The following CRYBG1 variants were observed in gnomAD, a reference collection of about 807,000 sequenced individuals.
The protein encoded by CRYBG1 is beta/gamma crystallin domain-containing protein 1.
CRYBG1 carries 139 observed loss-of-function variants against 189.2 expected under a neutral mutation model. The observed-to-expected ratio is 0.73, with a 90% CI of 0.64 to 0.85. The LOEUF (loss-of-function observed/expected upper bound fraction) is 0.85. Among genes scored for constraint, CRYBG1 ranks in the 40% least tolerant of loss-of-function variants. The pLI, the probability that CRYBG1 is intolerant of heterozygous loss-of-function variation, is 0.00. For synonymous variants in CRYBG1, 1,023 were observed against 1,017.1 expected, an observed-to-expected ratio of 1.01 and a Z score of -0.11; for missense variants, 2,611 against 2,675.8, an observed-to-expected ratio of 0.98 and a Z score of 0.53.
chr6:106,479,202 T>A (rs1211296971), intron 2 of CRYBG1, among the ~76,000 whole-genome samples: 3 of 152,244 alleles, frequency 2.0e-5, no homozygotes, highest in African/African-American at 7.2e-5. Context: ...GGACATATAT[T>A]TTCAATTCTC....
chr6:106,437,152 C>A (rs1048112728), intron 1 of CRYBG1, among the ~76,000 whole-genome samples: 4 of 152,144 alleles, frequency 2.6e-5, no homozygotes, highest in African/African-American at 9.7e-5. Flanking sequence ...CCTATTGTTA[C>A]TTTAATTTGC....
chr6:106,388,270 T>A (rs779196409), intron 1 of CRYBG1, among the ~76,000 whole-genome samples: 1 of 152,162 alleles, frequency 6.6e-6, no homozygotes, highest in Non-Finnish European at 1.5e-5. Flanking sequence ...GCCATGTTCA[T>A]CTTGGCACCT....
At chr6:106,475,531 T>TA in intron 2 of CRYBG1, among the ~76,000 whole-genome samples, 1 of 152,264 alleles carries the variant, frequency 6.6e-6, no homozygotes. Context: ...TGGGCAAAGA[T>TA]AAAGAGACAG....
At chr6:106,379,619 TA>T (rs1289291924) in intron 1 of CRYBG1, among the ~76,000 whole-genome samples, 1 of 151,496 alleles carries the variant, frequency 6.6e-6, no homozygotes, top group African/African-American at 2.4e-5. Context: ...AAGTGCAGTA[TA>T]CGATCACAGC....
At chr6:106,450,388 C>T (rs920888749) in intron 1 of CRYBG1, among the ~76,000 whole-genome samples, 2 of 152,262 alleles carry the variant, frequency 1.3e-5, no homozygotes, top group Admixed American at 6.5e-5. Context: ...CAAAAGCTTC[C>T]GTTTCTGTTG....
rs543522287 is a variant in CRYBG1, at chr6:106,519,194, A to G, written c.1986A>G (p.Gly662=). ...CCCCTAAGAATCTTGACAGTTTGGG[A>G]AATGAGCACAATCCATTTAGCCAGC... ...LKTPKNLDSL[G]NEHNPFSQPV... is the part of the protein sequence containing the mutation. Residue 662 remains glycine (G), a synonymous_variant, in exon 4 of 22, where the codon GGA becomes GGG. Coordinates refer to ENST00000633556, the MANE Select transcript of CRYBG1 (RefSeq NM_001371242.2). The G allele has an allele frequency of 6.2e-7, 1 of 1,614,144 alleles. No individual in the cohort carries two copies. The highest frequency in any genetic ancestry group is 1.1e-5 in the South Asian group (1 of 91,070).
intron 2 of CRYBG1, among the ~76,000 whole-genome samples, chr6:106,457,709 C>A (rs1771917317): frequency 6.6e-6 from 1 of 152,172 alleles, no homozygotes; most frequent in Admixed American, 6.5e-5. Flanking sequence ...ATCTTGCCAT[C>A]ATTTCACACC....
At chr6:106,416,107 G>A (rs1195804866) in intron 1 of CRYBG1, among the ~76,000 whole-genome samples, 2 of 151,944 alleles carry the variant, frequency 1.3e-5, no homozygotes, top group African/African-American at 2.4e-5. Flanking sequence ...CCCTTTCTTG[G>A]CCCCACAGCT....
Position 106,520,329 on chromosome 6 carries a change from C to G in CRYBG1, c.3121C>G (p.Gln1041Glu). The change falls in exon 4 of 22, where the codon CAG becomes GAG. Residue 1041 changes from glutamine (Q) to glutamate (E), a missense_variant. Transcript: ENST00000633556. The part of the protein sequence containing the change: ...PPASEKTLPI[Q>E]AQSQGSRTPL... ...AGCATCAGAGAAAACTCTGCCTATTCAGGCTCAAAGTCAGGGCAGCAGAAC... is the reference window on the plus strand; with the variant it reads ...AGCATCAGAGAAAACTCTGCCTATTGAGGCTCAAAGTCAGGGCAGCAGAAC... 1.2e-6 allele frequency: 2 copies of G among 1,614,156 alleles called. No individual in the cohort carries two copies. The highest frequency in any genetic ancestry group is 1.7e-6 in the Non-Finnish European group (2 of 1,180,026).
chr6:106,475,846 G>T (rs1772323199), intron 2 of CRYBG1, among the ~76,000 whole-genome samples: 1 of 152,194 alleles, frequency 6.6e-6, no homozygotes, highest in Non-Finnish European at 1.5e-5. Flanking sequence ...CCAGAGAAGA[G>T]GCCAAGGATC....
chr6:106,483,402 A>ATATATATATATGTATATATATATAT (rs1361096436), intron 2 of CRYBG1, among the ~76,000 whole-genome samples: 1 of 88,304 alleles, frequency 1.1e-5, no homozygotes, highest in Non-Finnish European at 2.9e-5. Context: ...ATATATATAT[A>ATATATATATATGTATATATATATAT]AAACATTTTC....
intron 1 of CRYBG1, among the ~76,000 whole-genome samples, chr6:106,370,634 A>G (rs1193900512): frequency 6.6e-6 from 1 of 152,220 alleles, no homozygotes; most frequent in African/African-American, 2.4e-5. Context: ...GTTCTGTGAA[A>G]TAAGCCCATA....
At chr6:106,428,882 G>A (rs1168295948) in intron 1 of CRYBG1, among the ~76,000 whole-genome samples, 1 of 152,226 alleles carries the variant, frequency 6.6e-6, no homozygotes, top group African/African-American at 2.4e-5. Context: ...AAGAGATCAG[G>A]TGTTCTCAGT....
chr6:106,389,970 A>G (rs1770469771), intron 1 of CRYBG1, among the ~76,000 whole-genome samples: 1 of 152,066 alleles, frequency 6.6e-6, no homozygotes, highest in Admixed American at 6.6e-5. Flanking sequence ...GGCAAAGGAT[A>G]CTTTTTGTGT....
chr6:106,482,357 C>G (rs539224735), intron 2 of CRYBG1, among the ~76,000 whole-genome samples: 2 of 113,852 alleles, frequency 1.8e-5, no homozygotes, highest in East Asian at 6.5e-4. Flanking sequence ...TGCAAAAATC[C>G]CTACACCTTT....
At chr6:106,514,648 T>G (rs775627035) in intron 3 of CRYBG1, among the ~76,000 whole-genome samples, 42 of 152,334 alleles carry the variant, frequency 2.8e-4, no homozygotes, top group African/African-American at 8.7e-4. Flanking sequence ...GCTGTGTACC[T>G]TATGAAGGAT....
chr6:106,474,741 C>T (rs111554783), intron 2 of CRYBG1, among the ~76,000 whole-genome samples: 18 of 151,982 alleles, frequency 1.2e-4, no homozygotes, highest in African/African-American at 3.6e-4. Context: ...CATGGGCAGG[C>T]GTAGGAGGTC....
At chr6:106,362,302 G>A (rs934395629) in intron 1 of CRYBG1, among the ~76,000 whole-genome samples, 1 of 151,968 alleles carries the variant, frequency 6.6e-6, no homozygotes, top group Non-Finnish European at 1.5e-5. Context: ...TCAATTTTAC[G>A]ATCTATTTTC....
At chr6:106,540,512 A>G (rs915903219) in intron 9 of CRYBG1, among the ~76,000 whole-genome samples, 6 of 152,172 alleles carry the variant, frequency 3.9e-5, no homozygotes, top group Non-Finnish European at 7.4e-5. Context: ...TCAAAGAACA[A>G]AGTTTTGTTA....
Sources: gnomAD v4.1 joint callset for allele counts (sites outside exome capture counted in the v4.1 genomes callset) on GRCh38, gnomAD v4.1.1 for gene constraint, MANE v1.5 for transcripts, NCBI Gene and HGNC (gene_info 2026-07-23, HGNC 2026-07-21) for gene names.